Variants in TRIM37 observed in about 807,000 individuals in gnomAD.
TRIM37 encodes E3 ubiquitin-protein ligase TRIM37.
In TRIM37, 80 loss-of-function variants were observed where a neutral mutation model predicts 129.8. The ratio of observed to expected loss-of-function variants is 0.62; its 90% CI spans 0.51 to 0.74. TRIM37 has a LOEUF of 0.74. Ranked by LOEUF, TRIM37 falls within the 30% of genes least tolerant of loss-of-function variation. The pLI, the probability that TRIM37 is intolerant of heterozygous loss-of-function variation, is 0.00. For synonymous variants in TRIM37, 389 were observed against 387.1 expected (o/e 1.00, Z -0.06); for missense variants, 1,054 against 1,176.5 (o/e 0.90, Z 1.52).
chr17:59,094,097 G>T (rs369420277), intron 2 of TRIM37, among the ~76,000 whole-genome samples: 1 of 152,038 alleles, frequency 6.6e-6, no homozygotes, highest in African/African-American at 2.4e-5. Context: ...GTTTTCCCAC[G>T]TTGGCCAGGC....
chr17:59,008,472 C>T (rs2034827608), intron 22 of TRIM37, among the ~76,000 whole-genome samples: 1 of 152,226 alleles, frequency 6.6e-6, no homozygotes, highest in South Asian at 2.1e-4. Flanking sequence ...TTAGGACAAG[C>T]TGTCAATTAG....
At chr17:58,969,244 C>T in the TRIM37 span, among the ~76,000 whole-genome samples, 7 of 152,158 alleles carry the variant, frequency 4.6e-5, no homozygotes, top group South Asian at 2.1e-4. Flanking sequence ...AGCAAATGTA[C>T]GTGGGTGGTT....
chr17:59,103,705 T>C (rs1053336944), intron 2 of TRIM37, among the ~76,000 whole-genome samples: 5 of 150,076 alleles, frequency 3.3e-5, no homozygotes, highest in Non-Finnish European at 7.4e-5. Context: ...TGGAGTGCAG[T>C]GGCGCTCTCT....
chr17:59,022,296 T>C (rs1236108659), intron 19 of TRIM37, among the ~76,000 whole-genome samples: 1 of 152,226 alleles, frequency 6.6e-6, no homozygotes, highest in Non-Finnish European at 1.5e-5. Context: ...CATTCCAGTA[T>C]TTCCAGAATG....
chr17:59,009,053 G>C (rs973485153), intron 22 of TRIM37, among the ~76,000 whole-genome samples: 10 of 152,176 alleles, frequency 6.6e-5, no homozygotes, highest in African/African-American at 2.4e-4. Context: ...TTAGGGACTA[G>C]GTTAGCAGAG....
At chr17:58,986,166 C>CG (rs946506716) in intron 24 of TRIM37, among the ~76,000 whole-genome samples, 4 of 151,998 alleles carry the variant, frequency 2.6e-5, no homozygotes, top group African/African-American at 9.7e-5. Context: ...CATTCCCCCC[C>CG]ACACCCGCCC....
chr17:59,014,889 AC>A (rs1365416992), intron 21 of TRIM37, among the ~76,000 whole-genome samples: 1 of 147,620 alleles, frequency 6.8e-6, no homozygotes, highest in Non-Finnish European at 1.5e-5. Flanking sequence ...CCATGGTGAA[AC>A]CCCATCTCTA....
intron 18 of TRIM37, 147 bp downstream of exon 18, chr17:59,031,749 T>C (rs1172752135): frequency 2.4e-6 from 2 of 818,190 alleles, no homozygotes; most frequent in Non-Finnish European, 3.8e-6. Context: ...ACTAATTTGG[T>C]TGACATAAAT....
At chr17:59,099,053 C>A (rs914511321) in intron 2 of TRIM37, among the ~76,000 whole-genome samples, 26 of 152,144 alleles carry the variant, frequency 1.7e-4, no homozygotes, top group Middle Eastern at 6.8e-3. Context: ...TGTACTGGCG[C>A]ACACCTGTAG....
the TRIM37 span, among the ~76,000 whole-genome samples, chr17:58,974,196 G>T: frequency 6.6e-6 from 1 of 152,138 alleles, no homozygotes; most frequent in Non-Finnish European, 1.5e-5. Flanking sequence ...GTATTTTTCA[G>T]AGAATGGAAG....
intron 24 of TRIM37, chr17:58,983,663 GGT>G (rs1210469853): frequency 1.3e-5 from 2 of 152,522 alleles, no homozygotes; most frequent in Admixed American, 6.6e-5. Context: ...TTAATGCTGA[GGT>G]ATAGTCTGTG....
intron 20 of TRIM37, among the ~76,000 whole-genome samples, chr17:59,016,599 CAAAAAAAAAAAAAAAA>C (rs57582105): frequency 0.021 from 443 of 20,784 alleles, 8 homozygotes; most frequent in Admixed American, 0.038. Flanking sequence ...CCTGTCTCGG[CAAAAAAAAAAAAAAAA>C]AAAAAAAAAA....
At chr17:59,059,878 A>G (rs1052848072) in intron 12 of TRIM37, among the ~76,000 whole-genome samples, 2 of 152,156 alleles carry the variant, frequency 1.3e-5, no homozygotes, top group African/African-American at 4.8e-5. Flanking sequence ...CATGAATTAT[A>G]AATTTCTCCA....
chr17:59,047,878 C>T, intron 15 of TRIM37, 59 bp from the exon 16 acceptor site: 1 of 1,588,700 alleles, frequency 6.3e-7, no homozygotes, highest in Non-Finnish European at 8.6e-7. Context: ...CAGTTGATCA[C>T]CCCATCCAGC....
chr17:59,052,148 C>T (rs1024950517), intron 13 of TRIM37, among the ~76,000 whole-genome samples: 1 of 151,324 alleles, frequency 6.6e-6, no homozygotes, highest in Admixed American at 6.6e-5. Context: ...AAAAGTACTG[C>T]ACCTACATAA....
intron 21 of TRIM37, among the ~76,000 whole-genome samples, chr17:59,013,211 T>C (rs903978971): frequency 5.9e-5 from 9 of 152,202 alleles, no homozygotes; most frequent in African/African-American, 2.2e-4. Context: ...TGATGTGATC[T>C]CAGCTCACTG....
intron 7 of TRIM37, among the ~76,000 whole-genome samples, chr17:59,078,817 T>C (rs2043030104): frequency 6.6e-6 from 1 of 152,084 alleles, no homozygotes; most frequent in Non-Finnish European, 1.5e-5. Context: ...ATCTAACTAC[T>C]AGAAGAATGA....
downstream of TRIM37, chr17:58,980,996 T>G: frequency 6.2e-7 from 1 of 1,612,144 alleles, no homozygotes; most frequent in Non-Finnish European, 8.5e-7. The surrounding 1 kb of genome is among the most constrained non-coding windows in gnomAD (Gnocchi z 4.7). Flanking sequence ...TGATATTCCA[T>G]GCCCAGATCT....
At chr17:59,053,540 A>AT (rs1661249418) in intron 13 of TRIM37, among the ~76,000 whole-genome samples, 2 of 152,218 alleles carry the variant, frequency 1.3e-5, no homozygotes, top group Non-Finnish European at 2.9e-5. Context: ...AGTGTCAGGC[A>AT]TATGGTATAG....
Sources: allele counts gnomAD v4.1 joint callset (sites outside exome capture counted in the v4.1 genomes callset), GRCh38; gene constraint gnomAD v4.1.1; non-coding constraint Gnocchi (gnomAD v3.1); transcripts MANE v1.5; gene names NCBI Gene and HGNC (gene_info 2026-07-23, HGNC 2026-07-21).